STK32A: variants seen among roughly 807,000 people sequenced by gnomAD.
STK32A encodes the protein serine/threonine kinase 32A, also known as serine/threonine-protein kinase 32A.
In STK32A, 41 loss-of-function variants were observed where a neutral mutation model predicts 53.2. That is an observed-to-expected ratio of 0.77 (90% CI 0.60 to 1.00). The LOEUF is 1.00. STK32A is among the 50% of genes least tolerant of loss of function. The pLI, the probability that STK32A is intolerant of heterozygous loss-of-function variation, is 0.00. For synonymous variants in STK32A, 166 were observed against 162.8 expected (o/e 1.02, Z -0.15); for missense variants, 458 against 485.8 (o/e 0.94, Z 0.54).
intron 5 of STK32A, among the ~76,000 whole-genome samples, chr5:147,324,567 G>T (rs1337790064): frequency 6.6e-6 from 1 of 152,116 alleles, no homozygotes; most frequent in Non-Finnish European, 1.5e-5. Context: ...TAGAGCATTA[G>T]TAGTAAATAA....
chr5:147,350,142 A>G (rs964043962), intron 6 of STK32A, among the ~76,000 whole-genome samples: 2 of 150,024 alleles, frequency 1.3e-5, no homozygotes, highest in South Asian at 2.2e-4. Flanking sequence ...TTTAAAAAAA[A>G]CCTAAAGTTA....
chr5:147,364,199 G>A (rs1165907711), intron 8 of STK32A, among the ~76,000 whole-genome samples: 3 of 130,950 alleles, frequency 2.3e-5, no homozygotes, highest in Non-Finnish European at 3.1e-5. Context: ...TGGGCAATGA[G>A]AGCGAAACTC....
intron 2 of STK32A, among the ~76,000 whole-genome samples, chr5:147,240,703 G>A (rs1467729478): frequency 6.6e-6 from 1 of 152,224 alleles, no homozygotes; most frequent in African/African-American, 2.4e-5. Context: ...TTTGATTGCT[G>A]AAATGAAAAC....
chr5:147,364,909 A>G (rs956522219), intron 8 of STK32A, among the ~76,000 whole-genome samples: 1 of 152,212 alleles, frequency 6.6e-6, no homozygotes, highest in African/African-American at 2.4e-5. Flanking sequence ...TCAAGGTCCC[A>G]GTGATGGATG....
intron 2 of STK32A, among the ~76,000 whole-genome samples, chr5:147,270,543 G>A (rs1473962842): frequency 1.3e-5 from 2 of 152,026 alleles, no homozygotes; most frequent in Non-Finnish European, 2.9e-5. Flanking sequence ...AAAGCCAAAT[G>A]GACAACCTAG....
intron 8 of STK32A, among the ~76,000 whole-genome samples, chr5:147,363,042 T>C (rs1379020942): frequency 6.6e-6 from 1 of 151,736 alleles, no homozygotes; most frequent in Non-Finnish European, 1.5e-5. Context: ...GCCAAGATCA[T>C]GCCACTGCAC....
At chr5:147,356,536 C>T (rs1374729047) in intron 7 of STK32A, among the ~76,000 whole-genome samples, 3 of 152,136 alleles carry the variant, frequency 2.0e-5, no homozygotes, top group Non-Finnish European at 2.9e-5. Flanking sequence ...TAACTCTTAA[C>T]ATGCTGCAGT....
intron 4 of STK32A, among the ~76,000 whole-genome samples, chr5:147,307,233 T>G (rs1348439127): frequency 2.0e-5 from 3 of 147,200 alleles, no homozygotes; most frequent in Non-Finnish European, 3.0e-5. Flanking sequence ...GCAATAATGG[T>G]TTTTTTTTTA....
chr5:147,303,234 A>T (rs1753228027), intron 4 of STK32A, among the ~76,000 whole-genome samples: 1 of 152,204 alleles, frequency 6.6e-6, no homozygotes, highest in Admixed American at 6.6e-5. Flanking sequence ...AAAACTTATT[A>T]ACTCAAAACA....
intron 11 of STK32A, chr5:147,383,136 C>T (rs972875955): frequency 6.2e-5 from 23 of 373,716 alleles, no homozygotes; most frequent in African/African-American, 1.1e-4. Context: ...TAATTAACTG[C>T]GCTTTGCCAC....
chr5:147,243,326 C>T lies in STK32A; in HGVS notation c.52+3640C>T, dbSNP rs955378702. Among the ~76,000 whole-genome samples, 4 of 120,646 alleles carry T rather than the reference C, an allele frequency of 3.3e-5. 1 individual carries two copies. Among genetic ancestry groups the T allele is most frequent in the African/African-American group, 1.2e-4 (4 of 32,602 alleles). 79.1% of individuals were successfully genotyped at this position (120,646 alleles called of 152,430 possible). On this transcript the variant is annotated intron_variant, in intron 2 of 12. Transcript: ENST00000397936. ...GTTATTGGATGTCCCTTGAGATAAG[C>T]TATTCTTGCCAGAATTCATCCTGAC... is the stretch of plus-strand genomic sequence containing the variant.
rs1274702033 is a variant in STK32A, at chr5:147,260,275, TCTGTCTCTCTCTCTCGC to T, written c.53-17833_53-17817del. Among the ~76,000 whole-genome samples the T allele has an allele frequency of 3.5e-5, 4 of 113,062 alleles. No individual in the cohort carries two copies. In the East Asian group the frequency reaches 8.5e-4, roughly 24 times the overall value. The allele number at this position is 113,062 out of a possible 152,430, so 74.2% of individuals were successfully genotyped here. A position where few individuals can be genotyped will look rare whatever the true frequency, so the allele number is the denominator to read the frequency against. On this transcript the variant is annotated intron_variant, in intron 2 of 12. Transcript: ENST00000397936. Reference sequence around the variant, plus strand: ...CTCTCCTCTCTCTCCCTCTCCCCTCTCTGTCTCTCTCTCTCGCCTGTCTCTCTCTCTCTCTCTCTCTC... The same window carrying T: ...CTCTCCTCTCTCTCCCTCTCCCCTCTCTGTCTCTCTCTCTCTCTCTCTCTC...
At chr5:147,331,183 G>A (rs1754853599) in intron 5 of STK32A, among the ~76,000 whole-genome samples, 1 of 152,112 alleles carries the variant, frequency 6.6e-6, no homozygotes, top group Non-Finnish European at 1.5e-5. Context: ...CTAATTCCTG[G>A]AAGTATTTCA....
intron 4 of STK32A, among the ~76,000 whole-genome samples, chr5:147,308,139 TA>T (rs1753510328): frequency 1.7e-4 from 3 of 17,678 alleles, no homozygotes; most frequent in South Asian, 1.6e-3. Flanking sequence ...TCATACATTT[TA>T]TATATATATA....
At chr5:147,270,963 T>C (rs924128404) in intron 2 of STK32A, among the ~76,000 whole-genome samples, 1 of 151,404 alleles carries the variant, frequency 6.6e-6, no homozygotes, top group Non-Finnish European at 1.5e-5. Flanking sequence ...CAGAAGCCCA[T>C]CAAGAATGCT....
At chr5:147,334,814 T>C (rs1219656746) in intron 5 of STK32A, among the ~76,000 whole-genome samples, 3 of 152,174 alleles carry the variant, frequency 2.0e-5, no homozygotes, top group African/African-American at 7.2e-5. Context: ...TAATTATTCT[T>C]TCAATGTTTT....
intron 2 of STK32A, among the ~76,000 whole-genome samples, chr5:147,269,642 C>T (rs535991342): frequency 1.3e-5 from 2 of 152,242 alleles, no homozygotes; most frequent in African/African-American, 4.8e-5. Context: ...TTTCCCTCCT[C>T]TCTGGGGAAT....
At chr5:147,401,897 A>G in the STK32A span, 2 of 492,642 alleles carry the variant, frequency 4.1e-6, no homozygotes, top group Non-Finnish European at 3.3e-6. Flanking sequence ...TCTCTAGATT[A>G]AAAGAAGCCA....
intron 4 of STK32A, among the ~76,000 whole-genome samples, chr5:147,293,034 T>C: frequency 6.6e-6 from 1 of 152,198 alleles, no homozygotes; most frequent in East Asian, 1.9e-4. Context: ...GAAACTTGTA[T>C]TCGAGAGTAC....
Sources: gnomAD v4.1 joint callset for allele counts (sites outside exome capture counted in the v4.1 genomes callset) on GRCh38, gnomAD v4.1.1 for gene constraint, MANE v1.5 for transcripts, NCBI Gene and HGNC (gene_info 2026-07-23, HGNC 2026-07-21) for gene names.